Variants in PDZD2 observed in about 807,000 individuals in gnomAD.
PDZD2 encodes the protein PDZ domain-containing protein 2.
PDZD2 carries 90 observed loss-of-function variants against 220.7 expected under a neutral mutation model. That is an observed-to-expected ratio of 0.41 (90% CI 0.34 to 0.49). The LOEUF (loss-of-function observed/expected upper bound fraction) is 0.49, where lower values mean the gene tolerates loss of function less well. Among genes scored for constraint, PDZD2 ranks in the 20% least tolerant of loss-of-function variants. PDZD2 has a pLI of 0.28. For synonymous variants in PDZD2, 1,375 were observed against 1,450.5 expected (o/e 0.95, Z 1.18); for missense variants, 3,174 against 3,608.5 (o/e 0.88, Z 3.08).
rs78161790 is a variant in PDZD2, at chr5:31,767,955, A to G, written c.-360-30934A>G. Among the ~76,000 whole-genome samples the G allele has an allele frequency of 7.8e-3, 1,194 of 152,356 alleles. 16 individuals carry two copies. The highest frequency in any genetic ancestry group is 0.027 in the African/African-American group (1,122 of 41,594). ...TTGAAAGCAAAGTGATAAATTGGGA[A>G]CAACCAGATCATTCCTTTGGAACAG... On this transcript the variant is annotated intron_variant, in intron 1 of 24. Transcript: ENST00000438447.
At chr5:31,987,557 C>G (rs1386500314) in intron 3 of PDZD2, among the ~76,000 whole-genome samples, 1 of 152,196 alleles carries the variant, frequency 6.6e-6, no homozygotes, top group Non-Finnish European at 1.5e-5. Context: ...TACATGGTAA[C>G]ATCTCCCAAG....
intron 7 of PDZD2, among the ~76,000 whole-genome samples, chr5:32,044,967 G>A (rs1435368666): frequency 1.3e-5 from 2 of 152,184 alleles, no homozygotes; most frequent in Non-Finnish European, 2.9e-5. Context: ...TTTTTAATGT[G>A]ATCAGCTCTT....
At chr5:31,956,065 A>G (rs1008805297) in intron 2 of PDZD2, among the ~76,000 whole-genome samples, 1 of 152,070 alleles carries the variant, frequency 6.6e-6, no homozygotes, top group African/African-American at 2.4e-5. Flanking sequence ...AGAATGTCCC[A>G]TGTGCACATG....
intron 2 of PDZD2, among the ~76,000 whole-genome samples, chr5:31,858,350 C>T (rs968990294): frequency 1.3e-5 from 2 of 152,162 alleles, no homozygotes; most frequent in Non-Finnish European, 2.9e-5. Context: ...TGGATTGACT[C>T]TCGAATTTTC....
intron 2 of PDZD2, among the ~76,000 whole-genome samples, chr5:31,814,678 C>T (rs1364884577): frequency 4.6e-5 from 7 of 150,746 alleles, no homozygotes; most frequent in Non-Finnish European, 7.4e-5. Context: ...AACAGCCAAG[C>T]GAGGTGGTGG....
intron 2 of PDZD2, among the ~76,000 whole-genome samples, chr5:31,917,080 G>A (rs1265782131): frequency 6.6e-6 from 1 of 152,168 alleles, no homozygotes; most frequent in Non-Finnish European, 1.5e-5. Context: ...GAAACCAGAT[G>A]GAGCTGGCAA....
At chr5:31,736,384 A>T (rs1297740227) in intron 1 of PDZD2, among the ~76,000 whole-genome samples, 1 of 152,134 alleles carries the variant, frequency 6.6e-6, no homozygotes, top group African/African-American at 2.4e-5. Flanking sequence ...ACCTAGTTTG[A>T]TGCAGGTTTT....
At chr5:31,807,866 C>T (rs1353205494) in intron 2 of PDZD2, among the ~76,000 whole-genome samples, 1 of 152,142 alleles carries the variant, frequency 6.6e-6, no homozygotes, top group Admixed American at 6.5e-5. Context: ...CTGTGAGGAC[C>T]AGTGGAATGT....
chr5:31,778,944 A>G (rs918305362), intron 1 of PDZD2, among the ~76,000 whole-genome samples: 1 of 152,206 alleles, frequency 6.6e-6, no homozygotes, highest in Non-Finnish European at 1.5e-5. Context: ...TTTCATTTTT[A>G]AAAATGAAAA....
chr5:32,074,258 A>T lies in PDZD2; in HGVS notation c.3152A>T (p.Asp1051Val). The change falls in exon 18 of 25, where the codon GAT becomes GTT. Residue 1051 changes from aspartate (D) to valine (V), a missense_variant. This residue lies in a region of PDZD2 where 1,861 missense variants were observed against 2,001.0 expected (regional missense o/e 0.93). Transcript: ENST00000438447. ...LEESIPEGMV[D>V]AASYAANLTD... ...GAGAGTATCCCAGAGGGCATGGTGG[A>T]TGCTGCGTCCTATGCAGCCAACCTC... 2 of 1,614,212 alleles carry T rather than the reference A, an allele frequency of 1.2e-6. No homozygotes were observed. The highest frequency in any genetic ancestry group is 1.7e-6 in the Non-Finnish European group (2 of 1,180,026).
At chr5:31,648,896 G>T (rs1745233513) in intron 1 of PDZD2, among the ~76,000 whole-genome samples, 1 of 152,090 alleles carries the variant, frequency 6.6e-6, no homozygotes, top group Non-Finnish European at 1.5e-5. Context: ...CATTCTATGG[G>T]TTTGGATAAA....
Position 31,817,241 on chromosome 5 carries a change from C to G in PDZD2, c.476+17517C>G, listed in dbSNP as rs188984584. 8.1e-3 allele frequency among the ~76,000 whole-genome samples: 1,190 copies of G among 147,704 alleles called. 20 individuals are homozygous for G. The highest frequency in any genetic ancestry group is 0.028 in the African/African-American group (1,130 of 40,096). On this transcript the variant is annotated intron_variant, in intron 2 of 24. Coordinates refer to ENST00000438447, the MANE Select transcript of PDZD2 (RefSeq NM_178140.4). Reference sequence around the variant, plus strand: ...TGGTGTGGTGGCTCACACCTGTAATCCCAGCACTTTGGGAGGCTGAGGTGG... The same window carrying G: ...TGGTGTGGTGGCTCACACCTGTAATGCCAGCACTTTGGGAGGCTGAGGTGG...
intron 2 of PDZD2, among the ~76,000 whole-genome samples, chr5:31,970,058 C>T (rs558388748): frequency 6.6e-6 from 1 of 152,098 alleles, no homozygotes; most frequent in East Asian, 1.9e-4. Flanking sequence ...ACCACCACCC[C>T]TGGCTAATTT....
In PDZD2 at chr5:31,646,440, G is replaced by A. The variant is rs961613882; in HGVS notation, c.-361+7003G>A. On this transcript the variant is annotated intron_variant, in intron 1 of 24. Coordinates refer to ENST00000438447, the MANE Select transcript of PDZD2 (RefSeq NM_178140.4). This position sits in a 1 kb window ranked among gnomAD's most constrained non-coding sequence, Gnocchi z 4.7. Reference sequence around the variant, plus strand: ...ACACTGCTTATGTTTGCTTGCAGGTGATCAAATGGAATCATACACTCTCTC... The same window carrying A: ...ACACTGCTTATGTTTGCTTGCAGGTAATCAAATGGAATCATACACTCTCTC... 4.6e-5 allele frequency among the ~76,000 whole-genome samples: 7 copies of A among 152,098 alleles called. No individual in the cohort carries two copies. Among genetic ancestry groups the A allele is most frequent in the Non-Finnish European group, 1.0e-4 (7 of 68,022 alleles).
At chr5:31,945,032 C>T (rs897889920) in intron 2 of PDZD2, among the ~76,000 whole-genome samples, 4 of 152,156 alleles carry the variant, frequency 2.6e-5, no homozygotes, top group African/African-American at 9.7e-5. Flanking sequence ...TTAAGTGTGT[C>T]ATTGGATGAT....
intron 2 of PDZD2, among the ~76,000 whole-genome samples, chr5:31,834,545 A>G (rs1344536973): frequency 1.3e-5 from 2 of 152,214 alleles, no homozygotes; most frequent in Non-Finnish European, 2.9e-5. Context: ...AAGTCTTTGC[A>G]CATACCTTTC....
intron 1 of PDZD2, among the ~76,000 whole-genome samples, chr5:31,669,401 CA>C (rs34910299): frequency 0.2 from 21,995 of 109,474 alleles, 1,612 homozygotes; most frequent in Middle Eastern, 0.29. Context: ...GACCCTGTCT[CA>C]AAAAAAAAAA....
chr5:32,029,225 C>T (rs1340156677), intron 6 of PDZD2, among the ~76,000 whole-genome samples: 2 of 142,150 alleles, frequency 1.4e-5, no homozygotes, highest in Admixed American at 1.5e-4. Context: ...ACGCCCTTAA[C>T]ATTTAGAAAG....
At chr5:31,864,494 G>A (rs905812580) in intron 2 of PDZD2, among the ~76,000 whole-genome samples, 8 of 151,456 alleles carry the variant, frequency 5.3e-5, no homozygotes, top group Non-Finnish European at 7.4e-5. Flanking sequence ...TGCCAGTTAC[G>A]TTTACTACAT....
Sources: allele counts gnomAD v4.1 joint callset (sites outside exome capture counted in the v4.1 genomes callset), GRCh38; gene constraint gnomAD v4.1.1; regional missense constraint gnomAD v4.1.1; non-coding constraint Gnocchi (gnomAD v3.1); transcripts MANE v1.5; gene names NCBI Gene and HGNC (gene_info 2026-07-23, HGNC 2026-07-21).